Variants in RAB6A observed in about 807,000 individuals in gnomAD.
RAB6A encodes ras-related protein Rab-6A.
Under a neutral mutation model 32.3 loss-of-function variants are expected in RAB6A, and 8 were observed. The observed-to-expected ratio is 0.25, with a 90% CI of 0.15 to 0.45. The LOEUF is 0.45. Among genes scored for constraint, RAB6A ranks in the 20% least tolerant of loss-of-function variants. The pLI, the probability that RAB6A is intolerant of heterozygous loss-of-function variation, is 1.00. For synonymous variants in RAB6A, 73 were observed against 82.1 expected, an observed-to-expected ratio of 0.89 and a Z score of 0.60; for missense variants, 104 against 249.4, an observed-to-expected ratio of 0.42 and a Z score of 3.93.
In RAB6A at chr11:73,698,588, A is replaced by G. The variant is rs147312711; in HGVS notation, c.495+8832T>C. On this transcript the variant is annotated intron_variant, in intron 6 of 7. Coordinates refer to ENST00000336083, the MANE Select transcript of RAB6A (RefSeq NM_198896.2). ...TTTTCTCTCTAAAATCAGACCAACA[A>G]TAGCAGTTGACTCGTAGGATTGTTA... 2.4e-4 allele frequency among the ~76,000 whole-genome samples: 36 copies of G among 152,308 alleles called. 1 individual carries two copies. In the East Asian group the frequency reaches 4.0e-3, roughly 17 times the overall value.
intron 6 of RAB6A, among the ~76,000 whole-genome samples, chr11:73,692,822 G>A (rs1480162597): frequency 2.0e-5 from 3 of 150,126 alleles, no homozygotes; most frequent in East Asian, 2.0e-4. Flanking sequence ...TTAGCCGGGC[G>A]TGTTGGCAGG....
intron 1 of RAB6A, among the ~76,000 whole-genome samples, chr11:73,733,563 AT>A (rs1384949126): frequency 2.9e-5 from 4 of 140,062 alleles, no homozygotes; most frequent in East Asian, 2.0e-4. Flanking sequence ...AAAAAAAAAA[AT>A]AAATAAATAA....
intron 1 of RAB6A, among the ~76,000 whole-genome samples, chr11:73,737,996 A>AG (rs1362840757): frequency 1.4e-5 from 2 of 147,926 alleles, no homozygotes; most frequent in Non-Finnish European, 3.0e-5. Context: ...CTCCATCTCA[A>AG]AAAAAAAAAA....
chr11:73,709,818 C>A (rs972172325), intron 5 of RAB6A, among the ~76,000 whole-genome samples: 22 of 43,754 alleles, frequency 5.0e-4, no homozygotes, highest in African/African-American at 1.3e-3. Context: ...GTAATGAATT[C>A]ATGCATATAT....
intron 7 of RAB6A, among the ~76,000 whole-genome samples, chr11:73,679,235 C>T (rs543604602): frequency 5.2e-4 from 79 of 152,238 alleles, no homozygotes; most frequent in African/African-American, 1.9e-3. Flanking sequence ...ATATTATGTC[C>T]TGTTTCTGAA....
intron 6 of RAB6A, among the ~76,000 whole-genome samples, chr11:73,686,976 G>A (rs1313089065): frequency 6.6e-6 from 1 of 151,678 alleles, no homozygotes; most frequent in East Asian, 1.9e-4. Flanking sequence ...AACAACCCAC[G>A]TGCTATATAT....
Position 73,760,671 on chromosome 11 carries a change from G to A in RAB6A, c.-36C>T, listed in dbSNP as rs748875106. 3 of 1,592,142 alleles carry A rather than the reference G, an allele frequency of 1.9e-6. No individual in the cohort carries two copies. In the East Asian group the frequency reaches 6.8e-5, roughly 36 times the overall value. Reference sequence around the variant, plus strand: ...GAGGAGCGGCCGCCGCCTCAGCCTAGAGACCTCCCGGACCGATGCTGCTCC... The same window carrying A: ...GAGGAGCGGCCGCCGCCTCAGCCTAAAGACCTCCCGGACCGATGCTGCTCC... On this transcript the variant is annotated 5_prime_UTR_variant, in exon 1 of 8. Transcript: ENST00000336083.
intron 5 of RAB6A, among the ~76,000 whole-genome samples, chr11:73,711,090 G>A (rs1280954679): frequency 6.6e-6 from 1 of 152,094 alleles, no homozygotes; most frequent in East Asian, 1.9e-4. Flanking sequence ...TTTACCACCT[G>A]GTATCTCTGA....
intron 6 of RAB6A, among the ~76,000 whole-genome samples, chr11:73,682,292 T>TA (rs913951279): frequency 2.6e-5 from 4 of 152,086 alleles, no homozygotes; most frequent in African/African-American, 4.8e-5. Flanking sequence ...GACCTTGTTT[T>TA]AAAAAACAAA....
At chr11:73,707,679 C>G (rs1022598623) in intron 5 of RAB6A, among the ~76,000 whole-genome samples, 166 bp from the exon 6 acceptor site, 1 of 152,160 alleles carries the variant, frequency 6.6e-6, no homozygotes, top group Non-Finnish European at 1.5e-5. Context: ...TTGTGTGTTT[C>G]TGTGTGTGTA....
At chr11:73,729,467 T>C (rs1946272613) in intron 2 of RAB6A, 1 of 152,106 alleles carries the variant, frequency 6.6e-6, no homozygotes, top group Non-Finnish European at 1.5e-5. Context: ...TTGAGTCTTC[T>C]TTTTTTTCTT....
At chr11:73,713,711 C>T (rs1321225287) in intron 5 of RAB6A, among the ~76,000 whole-genome samples, 1 of 151,926 alleles carries the variant, frequency 6.6e-6, no homozygotes, top group East Asian at 1.9e-4. Context: ...TTATAAAAGC[C>T]CAAAATATAA....
At position 73,739,455 on chromosome 11, in the gene RAB6A, C is replaced by T. The variant is rs975554467; in HGVS notation, c.71-8632G>A. Among the ~76,000 whole-genome samples, 15 of 149,542 alleles carry T rather than the reference C, an allele frequency of 1.0e-4. No homozygotes were observed. In the South Asian group the frequency reaches 3.0e-3, roughly 30 times the overall value. ...CCAAATGCTGGGATGAGTCATGAGC[C>T]ACCAGTGCACTCAGCCTGATTTTTT... On this transcript the variant is annotated intron_variant, in intron 1 of 7. Transcript: ENST00000336083.
At chr11:73,752,742 T>A (rs1946686868) in intron 1 of RAB6A, among the ~76,000 whole-genome samples, 2 of 148,190 alleles carry the variant, frequency 1.3e-5, no homozygotes, top group Non-Finnish European at 3.0e-5. Flanking sequence ...CACTTGAGCC[T>A]GGAAGGCACA....
chr11:73,739,263 T>TTAAAAA (rs1555066890), intron 1 of RAB6A, among the ~76,000 whole-genome samples: 16 of 9,380 alleles, frequency 1.7e-3, no homozygotes, highest in Admixed American at 2.3e-3. Context: ...TAATAATAAT[T>TTAAAAA]AAAAAAAAAA....
At chr11:73,713,265 C>T (rs1281408081) in intron 5 of RAB6A, among the ~76,000 whole-genome samples, 1 of 152,138 alleles carries the variant, frequency 6.6e-6, no homozygotes, top group African/African-American at 2.4e-5. Flanking sequence ...CTCCTTAAAA[C>T]ATTTATTTTC....
intron 2 of RAB6A, among the ~76,000 whole-genome samples, chr11:73,721,640 A>G (rs950329411): frequency 1.3e-5 from 2 of 152,226 alleles, no homozygotes; most frequent in African/African-American, 4.8e-5. Flanking sequence ...AAAAGAATGG[A>G]AGAAAGACAG....
intron 3 of RAB6A, chr11:73,719,023 GGAGT>G: frequency 1.3e-6 from 1 of 742,058 alleles, no homozygotes; most frequent in Non-Finnish European, 2.1e-6. Context: ...GAGGTTGCAG[GGAGT>G]GAGGAATGAA....
intron 3 of RAB6A, among the ~76,000 whole-genome samples, chr11:73,720,179 A>AT (rs1946112926): frequency 9.7e-6 from 1 of 102,904 alleles, no homozygotes; most frequent in East Asian, 3.3e-4. Flanking sequence ...AATACACATT[A>AT]CTTTTTTTTT....
Sources: allele counts gnomAD v4.1 joint callset (sites outside exome capture counted in the v4.1 genomes callset), GRCh38; gene constraint gnomAD v4.1.1; transcripts MANE v1.5; gene names NCBI Gene and HGNC (gene_info 2026-07-23, HGNC 2026-07-21).